PCDH9: variants seen among roughly 807,000 people sequenced by gnomAD.
PCDH9 encodes protocadherin-9.
In PCDH9, 24 loss-of-function variants were observed where a neutral mutation model predicts 70.6. The ratio of observed to expected loss-of-function variants is 0.34; its 90% CI spans 0.25 to 0.48. PCDH9 has a LOEUF of 0.48. PCDH9 is among the 20% of genes least tolerant of loss of function. The probability of loss-of-function intolerance (pLI) is 0.99; values close to 1 mark genes in which losing one functional copy is unlikely to be tolerated. For missense variants in PCDH9, 1,281 were observed against 1,503.6 expected (o/e 0.85, Z 2.45); for synonymous variants, 562 against 558.5 (o/e 1.01, Z -0.09).
At chr13:67,026,088 A>T (rs767173970) in intron 2 of PCDH9, among the ~76,000 whole-genome samples, 3 of 152,150 alleles carry the variant, frequency 2.0e-5, no homozygotes, top group Non-Finnish European at 4.4e-5. Flanking sequence ...ACACATCTGC[A>T]TCTATTGAGA....
At chr13:66,515,179 T>G (rs1202282242) in intron 4 of PCDH9, among the ~76,000 whole-genome samples, 2 of 152,092 alleles carry the variant, frequency 1.3e-5, no homozygotes, top group East Asian at 3.8e-4. Context: ...TGTCCAGTTT[T>G]GCATAAACAA....
intron 2 of PCDH9, among the ~76,000 whole-genome samples, chr13:67,018,616 C>CCA (rs1555297705): frequency 3.7e-4 from 28 of 76,692 alleles, no homozygotes; most frequent in East Asian, 2.3e-3. Context: ...AGACTCGTCT[C>CCA]AAAAAAAAAA....
At chr13:66,581,841 A>T (rs2076896297) in intron 4 of PCDH9, among the ~76,000 whole-genome samples, 2 of 152,130 alleles carry the variant, frequency 1.3e-5, no homozygotes, top group South Asian at 4.2e-4. Flanking sequence ...ACATAATAAT[A>T]CAAAACTTAT....
At chr13:67,193,968 T>C (rs1566487716) in intron 2 of PCDH9, among the ~76,000 whole-genome samples, 1 of 152,138 alleles carries the variant, frequency 6.6e-6, no homozygotes, top group Non-Finnish European at 1.5e-5. Flanking sequence ...CAAGAAACAA[T>C]GTAACTTTCG....
At chr13:67,133,418 G>T (rs540743551) in intron 2 of PCDH9, among the ~76,000 whole-genome samples, 3 of 152,168 alleles carry the variant, frequency 2.0e-5, no homozygotes, top group African/African-American at 7.2e-5. Flanking sequence ...GGATGCATTT[G>T]CATAGAGGCT....
At chr13:66,507,500 T>A (rs1257659463) in intron 4 of PCDH9, among the ~76,000 whole-genome samples, 2 of 152,136 alleles carry the variant, frequency 1.3e-5, no homozygotes, top group Non-Finnish European at 2.9e-5. Context: ...TGTATGTGTA[T>A]GTTTGTAGCT....
At chr13:66,545,989 C>A (rs1157738618) in intron 4 of PCDH9, among the ~76,000 whole-genome samples, 1 of 151,736 alleles carries the variant, frequency 6.6e-6, no homozygotes, top group Non-Finnish European at 1.5e-5. Context: ...GCACCCACCA[C>A]CATGTCTGGC....
At chr13:66,945,205 A>AAGGC (rs34503264) in intron 2 of PCDH9, among the ~76,000 whole-genome samples, 29,430 of 151,686 alleles carry the variant, frequency 0.19, 3,177 homozygotes, top group East Asian at 0.54. Context: ...CCTGCCTAAA[A>AAGGC]AGGCAACATT....
intron 4 of PCDH9, among the ~76,000 whole-genome samples, chr13:66,563,184 G>C (rs35898401): frequency 0.34 from 51,914 of 151,750 alleles, 9,302 homozygotes; most frequent in African/African-American, 0.44. Context: ...ATTCTTCTCA[G>C]CACTCCCTGT....
At chr13:66,841,316 C>T (rs901204047) in intron 3 of PCDH9, among the ~76,000 whole-genome samples, 2 of 152,142 alleles carry the variant, frequency 1.3e-5, no homozygotes, top group Admixed American at 6.5e-5. Flanking sequence ...GATCGTTCTA[C>T]TACTATGTGT....
At chr13:66,824,486 T>C (rs959399385) in intron 3 of PCDH9, among the ~76,000 whole-genome samples, 200 of 148,834 alleles carry the variant, frequency 1.3e-3, no homozygotes, top group African/African-American at 4.8e-3. Flanking sequence ...TGAAACCCCG[T>C]CTCTACTAAA....
chr13:66,581,585 G>A (rs1203444617), intron 4 of PCDH9, among the ~76,000 whole-genome samples: 1 of 152,096 alleles, frequency 6.6e-6, no homozygotes, highest in Non-Finnish European at 1.5e-5. Flanking sequence ...GTAAAAGGAA[G>A]GACGTTACTT....
At chr13:66,926,661 T>A (rs779817126) in intron 2 of PCDH9, among the ~76,000 whole-genome samples, 12 of 152,072 alleles carry the variant, frequency 7.9e-5, no homozygotes, top group Non-Finnish European at 1.6e-4. Context: ...GTAAAACTGT[T>A]TTACCACCAA....
At chr13:66,521,950 A>G (rs1488555904) in intron 4 of PCDH9, among the ~76,000 whole-genome samples, 1 of 151,092 alleles carries the variant, frequency 6.6e-6, no homozygotes, top group Non-Finnish European at 1.5e-5. Context: ...ATTTGATACC[A>G]CACTTTAAAG....
At chr13:67,178,444 T>C (rs2088525036) in intron 2 of PCDH9, among the ~76,000 whole-genome samples, 1 of 152,100 alleles carries the variant, frequency 6.6e-6, no homozygotes, top group African/African-American at 2.4e-5. Flanking sequence ...ACTATTGTGA[T>C]TTCTGCATTT....
intron 2 of PCDH9, among the ~76,000 whole-genome samples, chr13:66,975,660 T>A (rs1181679541): frequency 6.6e-6 from 1 of 151,942 alleles, no homozygotes; most frequent in East Asian, 1.9e-4. Flanking sequence ...CAACAGTCAT[T>A]ACTGTATCAT....
In PCDH9 at chr13:67,154,605, TACACACACACACACAC is replaced by T. The variant is rs765270091; in HGVS notation, c.3036+70784_3036+70799del. 2.5e-3 allele frequency among the ~76,000 whole-genome samples: 230 copies of T among 93,292 alleles called. 5 individuals carry two copies. Among genetic ancestry groups the T allele is most frequent in the African/African-American group, 0.01 (220 of 21,990 alleles). 61.2% of individuals were successfully genotyped at this position (93,292 alleles called of 152,430 possible). A position where few individuals can be genotyped will look rare whatever the true frequency, so the allele number is the denominator to read the frequency against. On this transcript the variant is annotated intron_variant, in intron 2 of 4. Coordinates refer to ENST00000377865, the MANE Select transcript of PCDH9 (RefSeq NM_203487.3). ...AAAAAAAAAAAAAAAAATATATATA[TACACACACACACACAC>T]ACACACACACACACACACACACACA...
At chr13:67,021,912 A>G (rs932489195) in intron 2 of PCDH9, among the ~76,000 whole-genome samples, 8 of 151,804 alleles carry the variant, frequency 5.3e-5, no homozygotes, top group Non-Finnish European at 1.0e-4. Context: ...ATGTGTATAT[A>G]TATGTATGTA....
At chr13:66,919,373 T>C (rs113258139) in intron 2 of PCDH9, among the ~76,000 whole-genome samples, 1,777 of 151,392 alleles carry the variant, frequency 0.012, 48 homozygotes, top group African/African-American at 0.041. Context: ...CCTTGGCATC[T>C]GAAGCAAATA....
Sources: gnomAD v4.1 joint callset for allele counts (sites outside exome capture counted in the v4.1 genomes callset) on GRCh38, gnomAD v4.1.1 for gene constraint, MANE v1.5 for transcripts, NCBI Gene and HGNC (gene_info 2026-07-23, HGNC 2026-07-21) for gene names.